Variants in MACROD2 observed in about 807,000 individuals in gnomAD.
MACROD2 encodes mono-ADP ribosylhydrolase 2, also known as ADP-ribose glycohydrolase MACROD2.
MACROD2 carries 36 observed loss-of-function variants against 70.4 expected under a neutral mutation model. That is an observed-to-expected ratio of 0.51 (90% CI 0.39 to 0.68). The LOEUF (loss-of-function observed/expected upper bound fraction) is 0.68, where lower values mean the gene tolerates loss of function less well. MACROD2 is among the 30% of genes least tolerant of loss of function. MACROD2 has a pLI of 0.00. For synonymous variants in MACROD2, 172 were observed against 178.8 expected (o/e 0.96, Z 0.30); for missense variants, 496 against 538.4 (o/e 0.92, Z 0.78).
chr20:14,051,291 G>A (rs2053563806), intron 2 of MACROD2, among the ~76,000 whole-genome samples: 1 of 152,204 alleles, frequency 6.6e-6, no homozygotes, highest in African/African-American at 2.4e-5. Context: ...TTACATTGGA[G>A]AGGAAGGGAG....
chr20:15,658,225 C>CTTT (rs11296773), intron 8 of MACROD2, among the ~76,000 whole-genome samples: 2 of 141,000 alleles, frequency 1.4e-5, no homozygotes, highest in Admixed American at 7.1e-5. Context: ...CTCTCTCTCT[C>CTTT]TTTTTTTTTT....
At chr20:14,085,573 A>T in intron 2 of MACROD2, 48 bp from the exon 3 acceptor site, 3 of 1,100,076 alleles carry the variant, frequency 2.7e-6, no homozygotes, top group Admixed American at 2.8e-5. Context: ...ATCTCGATTA[A>T]GTTAATTAAT....
intron 2 of MACROD2, among the ~76,000 whole-genome samples, chr20:14,073,245 A>T (rs1208322688): frequency 6.6e-6 from 1 of 152,060 alleles, no homozygotes; most frequent in East Asian, 1.9e-4. Flanking sequence ...CTGAGGCAGG[A>T]GAATCGCTTG....
At chr20:15,853,887 A>G (rs747278772) in intron 8 of MACROD2, among the ~76,000 whole-genome samples, 6 of 152,176 alleles carry the variant, frequency 3.9e-5, no homozygotes, top group Non-Finnish European at 8.8e-5. Flanking sequence ...CAATGTCTCC[A>G]TTTTAGAGAT....
At chr20:14,830,062 G>C (rs897934999) in intron 5 of MACROD2, among the ~76,000 whole-genome samples, 31 of 152,202 alleles carry the variant, frequency 2.0e-4, no homozygotes, top group African/African-American at 7.2e-4. Flanking sequence ...AAGAAAAAAT[G>C]ATTCATAACC....
intron 6 of MACROD2, among the ~76,000 whole-genome samples, chr20:15,390,788 G>A (rs1445045009): frequency 1.3e-5 from 2 of 152,088 alleles, no homozygotes; most frequent in African/African-American, 4.8e-5. Flanking sequence ...GAATAAGCAG[G>A]CATTTAGAAA....
At chr20:14,322,201 T>TATATA (rs1568553949) in intron 3 of MACROD2, among the ~76,000 whole-genome samples, 29 of 124,630 alleles carry the variant, frequency 2.3e-4, no homozygotes, top group Non-Finnish European at 2.9e-4. Context: ...TATATATATA[T>TATATA]TTTGTATTTT....
At chr20:15,055,193 G>A (rs1385043931) in intron 5 of MACROD2, among the ~76,000 whole-genome samples, 2 of 152,014 alleles carry the variant, frequency 1.3e-5, no homozygotes, top group African/African-American at 2.4e-5. Context: ...CAAGTGATCC[G>A]CCCACCTTGG....
In MACROD2 at chr20:14,897,706, A is replaced by T. The variant is rs1013849044; in HGVS notation, c.418+212747A>T. Reference sequence around the variant, plus strand: ...ACCAAGCATGAATCAGGTTCCATAAAGTTTCAAGCTGCTGTAACAGAATAC... The same window carrying T: ...ACCAAGCATGAATCAGGTTCCATAATGTTTCAAGCTGCTGTAACAGAATAC... On this transcript the variant is annotated intron_variant, in intron 5 of 17. Coordinates refer to ENST00000684519, the MANE Select transcript of MACROD2 (RefSeq NM_001351661.2). Among the ~76,000 whole-genome samples, 4 of 152,206 alleles carry T rather than the reference A, an allele frequency of 2.6e-5. No homozygotes were observed. The East Asian group carries it at 7.7e-4, about 29-fold the overall frequency.
At chr20:15,280,289 GC>G (rs1292225186) in intron 6 of MACROD2, among the ~76,000 whole-genome samples, 2 of 151,560 alleles carry the variant, frequency 1.3e-5, no homozygotes, top group African/African-American at 4.8e-5. Context: ...GAATAGAGAG[GC>G]AAAAAGAAAA....
At chr20:15,554,285 T>C (rs2048136734) in intron 8 of MACROD2, among the ~76,000 whole-genome samples, 1 of 152,214 alleles carries the variant, frequency 6.6e-6, no homozygotes, top group African/African-American at 2.4e-5. Flanking sequence ...GAGAGGAATT[T>C]GCTCCGGTAT....
At position 16,033,317 on chromosome 20, in the gene MACROD2, G is replaced by A. The variant is rs188065342; in HGVS notation, c.1154-7884G>A. Among the ~76,000 whole-genome samples, 41 of 152,196 alleles carry A rather than the reference G, an allele frequency of 2.7e-4. 1 individual carries two copies. In the East Asian group the frequency reaches 7.3e-3, roughly 27 times the overall value. ...AGGAATAAAAGAAAAATACAATGCC[G>A]AAAAGCAACAGTGCTTTCTCCTCTG... is the stretch of plus-strand genomic sequence containing the variant. On this transcript the variant is annotated intron_variant, in intron 15 of 17. Transcript: ENST00000684519.
chr20:14,358,903 G>A (rs893973684), intron 3 of MACROD2, among the ~76,000 whole-genome samples: 2 of 152,152 alleles, frequency 1.3e-5, no homozygotes, highest in Non-Finnish European at 2.9e-5. Flanking sequence ...AAATTGTAGT[G>A]AGGCCAGGCA....
intron 3 of MACROD2, among the ~76,000 whole-genome samples, chr20:14,087,412 G>T (rs1197155962): frequency 1.3e-5 from 2 of 151,702 alleles, no homozygotes; most frequent in African/African-American, 4.8e-5. Context: ...AAAAAAAAAG[G>T]ATTGGATGTC....
chr20:14,778,174 C>G (rs576923998), intron 5 of MACROD2, among the ~76,000 whole-genome samples: 7 of 152,230 alleles, frequency 4.6e-5, no homozygotes, highest in African/African-American at 1.7e-4. Flanking sequence ...TGATTCCTCA[C>G]TGCTTCATGT....
chr20:15,862,266 A>C (rs1182191587), intron 8 of MACROD2, among the ~76,000 whole-genome samples: 1 of 152,226 alleles, frequency 6.6e-6, no homozygotes, highest in Non-Finnish European at 1.5e-5. Flanking sequence ...ACTAAACTGC[A>C]TGGAAGCTTT....
At chr20:14,889,359 A>G (rs188789062) in intron 5 of MACROD2, among the ~76,000 whole-genome samples, 65 of 152,240 alleles carry the variant, frequency 4.3e-4, no homozygotes, top group South Asian at 8.3e-4. Context: ...AATTATCATA[A>G]ATATTTACAT....
At chr20:15,669,866 A>G (rs12480105) in intron 8 of MACROD2, among the ~76,000 whole-genome samples, 6,065 of 152,264 alleles carry the variant, frequency 0.04, 248 homozygotes, top group East Asian at 0.2. Flanking sequence ...AGTGCTACCA[A>G]CAACTAGCTT....
intron 3 of MACROD2, among the ~76,000 whole-genome samples, chr20:14,285,200 T>TTA (rs1289654106): frequency 6.6e-6 from 1 of 152,192 alleles, no homozygotes; most frequent in East Asian, 1.9e-4. Context: ...GAATATCTGG[T>TTA]TATACATAAT....
Sources: allele counts gnomAD v4.1 joint callset (sites outside exome capture counted in the v4.1 genomes callset), GRCh38; gene constraint gnomAD v4.1.1; transcripts MANE v1.5; gene names NCBI Gene and HGNC (gene_info 2026-07-23, HGNC 2026-07-21).